The following MRPL48 variants were observed in gnomAD, a reference collection of about 807,000 sequenced individuals.
MRPL48 encodes the protein large ribosomal subunit protein mL48.
Under a neutral mutation model 32.9 loss-of-function variants are expected in MRPL48, and 16 were observed. That is an observed-to-expected ratio of 0.49 (90% CI 0.33 to 0.74). The LOEUF (loss-of-function observed/expected upper bound fraction) is 0.74. MRPL48 is among the 30% of genes least tolerant of loss of function. The pLI, the probability that MRPL48 is intolerant of heterozygous loss-of-function variation, is 0.02. For synonymous variants in MRPL48, 94 were observed against 89.2 expected (o/e 1.05, Z -0.31); for missense variants, 206 against 245.3 (o/e 0.84, Z 1.07).
intron 4 of MRPL48, among the ~76,000 whole-genome samples, chr11:73,830,726 ATCCCTTCAT>A (rs1450232462): frequency 2.0e-5 from 3 of 152,116 alleles, no homozygotes; most frequent in Admixed American, 1.3e-4. Flanking sequence ...TGCTGGTATA[ATCCCTTCAT>A]TCCTCCTTCG....
chr11:73,844,695 C>T (rs1243180119), intron 4 of MRPL48, 112 bp from the exon 5 acceptor site: 1 of 1,290,232 alleles, frequency 7.8e-7, no homozygotes, highest in African/African-American at 1.5e-5. Flanking sequence ...AACCTGAGAG[C>T]AAAATGTGAA....
chr11:73,809,950 C>A (rs1320517753), intron 3 of MRPL48, among the ~76,000 whole-genome samples: 1 of 152,170 alleles, frequency 6.6e-6, no homozygotes, highest in African/African-American at 2.4e-5. Flanking sequence ...AGCCTAACAT[C>A]TCAAAATAAT....
intron 6 of MRPL48, among the ~76,000 whole-genome samples, chr11:73,862,248 C>T (rs1948596304): frequency 1.3e-5 from 2 of 152,156 alleles, no homozygotes; most frequent in Non-Finnish European, 2.9e-5. Flanking sequence ...CATGAAGAAA[C>T]CCCATCTCTA....
At chr11:73,834,528 G>T (rs75721064) in intron 4 of MRPL48, among the ~76,000 whole-genome samples, 8,121 of 142,788 alleles carry the variant, frequency 0.057, 250 homozygotes, top group Middle Eastern at 0.11. Context: ...GTTTTTGCTG[G>T]TTTTTTTTTT....
intron 3 of MRPL48, chr11:73,817,890 G>C: frequency 3.4e-6 from 1 of 297,580 alleles, no homozygotes; most frequent in Non-Finnish European, 6.9e-6. Context: ...CTGCAGCCTC[G>C]AACTCCTGGG....
rs568647370 is a variant in MRPL48 at position 73,854,576 on chromosome 11, C to T, written c.372-5331C>T. Among the ~76,000 whole-genome samples the T allele has an allele frequency of 8.5e-5, 13 of 152,252 alleles. No individual in the cohort carries two copies. In the East Asian group the frequency reaches 9.6e-4, roughly 11 times the overall value. On this transcript the variant is annotated intron_variant, in intron 5 of 7. Coordinates refer to ENST00000310614, the MANE Select transcript of MRPL48 (RefSeq NM_016055.6). ...TGCTAGGATTACAGGTATGAGCCAC[C>T]GTGCCTGGCCTAGTTGCAATGTTTA...
At chr11:73,819,978 AT>A (rs1015435219) in intron 3 of MRPL48, among the ~76,000 whole-genome samples, 16 of 152,216 alleles carry the variant, frequency 1.1e-4, no homozygotes, top group African/African-American at 3.6e-4. Flanking sequence ...TTAGATTTTT[AT>A]TTTAAAAGGA....
At chr11:73,793,228 T>G (rs1208159922) in intron 1 of MRPL48, among the ~76,000 whole-genome samples, 1 of 152,118 alleles carries the variant, frequency 6.6e-6, no homozygotes, top group Non-Finnish European at 1.5e-5. Context: ...ACCATGCCCA[T>G]CTAATTTTGT....
chr11:73,814,581 G>GCTA (rs1214379623), intron 3 of MRPL48, among the ~76,000 whole-genome samples: 10 of 151,584 alleles, frequency 6.6e-5, no homozygotes, highest in Admixed American at 6.6e-4. Context: ...TGTAATCCCA[G>GCTA]CTACTGAGGA....
At chr11:73,843,680 A>G (rs913509893) in intron 4 of MRPL48, among the ~76,000 whole-genome samples, 1 of 152,234 alleles carries the variant, frequency 6.6e-6, no homozygotes, top group African/African-American at 2.4e-5. Flanking sequence ...TAGGAGTAGA[A>G]GAGAACTAAT....
At chr11:73,837,438 T>C (rs113912298) in intron 4 of MRPL48, among the ~76,000 whole-genome samples, 112 of 152,336 alleles carry the variant, frequency 7.4e-4, no homozygotes, top group African/African-American at 2.5e-3. Flanking sequence ...CCTTTCTGGC[T>C]GTAACAGGCT....
intron 4 of MRPL48, among the ~76,000 whole-genome samples, chr11:73,841,273 A>T (rs918325493): frequency 6.6e-6 from 1 of 152,222 alleles, no homozygotes; most frequent in Non-Finnish European, 1.5e-5. Context: ...TGTGTAACTC[A>T]GTAGTTCAGC....
chr11:73,798,001 C>T (rs372722049), intron 1 of MRPL48, among the ~76,000 whole-genome samples: 3 of 152,122 alleles, frequency 2.0e-5, no homozygotes, highest in Non-Finnish European at 4.4e-5. Flanking sequence ...CCATAAGGAC[C>T]CAATCCAAAG....
intron 5 of MRPL48, among the ~76,000 whole-genome samples, chr11:73,849,955 C>G (rs151258709): frequency 0.013 from 1,946 of 152,130 alleles, 37 homozygotes; most frequent in African/African-American, 0.042. Context: ...CAAAAACTAG[C>G]CTGGCTTGGT....
At chr11:73,851,383 C>T (rs1387310899) in intron 5 of MRPL48, among the ~76,000 whole-genome samples, 1 of 152,146 alleles carries the variant, frequency 6.6e-6, no homozygotes, top group African/African-American at 2.4e-5. Flanking sequence ...TATTTTAAGT[C>T]CTTCAGCCAA....
At chr11:73,850,035 G>A (rs555662930) in intron 5 of MRPL48, among the ~76,000 whole-genome samples, 1 of 152,212 alleles carries the variant, frequency 6.6e-6, no homozygotes, top group East Asian at 1.9e-4. Flanking sequence ...GGGAGGCAGA[G>A]GTTGCAGTGA....
chr11:73,837,816 A>G (rs890363014), intron 4 of MRPL48, among the ~76,000 whole-genome samples: 6 of 152,058 alleles, frequency 3.9e-5, no homozygotes, highest in African/African-American at 1.4e-4. Flanking sequence ...CCCAAAACAC[A>G]GCTTTATTCA....
chr11:73,819,201 T>C (rs1466370296), intron 3 of MRPL48, among the ~76,000 whole-genome samples: 2 of 152,210 alleles, frequency 1.3e-5, no homozygotes, highest in Non-Finnish European at 1.5e-5. Context: ...TAACAGTGGT[T>C]TGAACCAGCT....
intron 4 of MRPL48, among the ~76,000 whole-genome samples, chr11:73,836,887 C>A (rs1223067522): frequency 1.3e-5 from 2 of 152,212 alleles, no homozygotes; most frequent in Non-Finnish European, 2.9e-5. Flanking sequence ...GTCAGATTTT[C>A]TGTGGCTTCC....
Sources: allele counts gnomAD v4.1 joint callset (sites outside exome capture counted in the v4.1 genomes callset), GRCh38; gene constraint gnomAD v4.1.1; transcripts MANE v1.5; gene names NCBI Gene and HGNC (gene_info 2026-07-23, HGNC 2026-07-21).